MMP26: variants seen among roughly 807,000 people sequenced by gnomAD.
MMP26 encodes matrix metallopeptidase 26, also known as matrix metalloproteinase-26.
Under a neutral mutation model 31.0 loss-of-function variants are expected in MMP26, and 33 were observed. The observed-to-expected ratio is 1.06, with a 90% CI of 0.81 to 1.42. The LOEUF (loss-of-function observed/expected upper bound fraction) is 1.42, where lower values mean the gene tolerates loss of function less well. Among genes scored for constraint, MMP26 ranks in the 40% most tolerant of loss-of-function variants. MMP26 has a pLI of 0.00. For synonymous variants in MMP26, 122 were observed against 114.9 expected, an observed-to-expected ratio of 1.06 and a Z score of -0.40; for missense variants, 347 against 316.1, an observed-to-expected ratio of 1.10 and a Z score of -0.74.
intron 2 of MMP26, among the ~76,000 whole-genome samples, chr11:4,921,964 T>C (rs1001036312): frequency 6.6e-6 from 1 of 152,196 alleles, no homozygotes; most frequent in Non-Finnish European, 1.5e-5. Context: ...ATGTGTATTG[T>C]ACCCATTAGG....
At position 4,918,876 on chromosome 11, in the gene MMP26, C is replaced by T. The variant is rs141973172; in HGVS notation, c.-144-69192C>T. On this transcript the variant is annotated intron_variant, in intron 2 of 7. Transcript: ENST00000380390. ...CCCAAAGAGTCAGACTACTTCCTATCCATCTCCTTGTTTCTTGGAAATAAC... is the reference window on the plus strand; with the variant it reads ...CCCAAAGAGTCAGACTACTTCCTATTCATCTCCTTGTTTCTTGGAAATAAC... 2.0e-3 allele frequency among the ~76,000 whole-genome samples: 308 copies of T among 152,312 alleles called. 5 individuals are homozygous for T. The highest frequency in any genetic ancestry group is 0.016 in the Admixed American group (245 of 15,298).
chr11:4,825,880 G>A (rs1000621578), intron 2 of MMP26, among the ~76,000 whole-genome samples: 4 of 152,092 alleles, frequency 2.6e-5, no homozygotes, highest in African/African-American at 4.8e-5. Context: ...TTGATGCTGC[G>A]TTAATCAGGG....
At chr11:4,727,354 A>G (rs1215436199) in intron 1 of MMP26, among the ~76,000 whole-genome samples, 2 of 152,206 alleles carry the variant, frequency 1.3e-5, no homozygotes. Context: ...TGGTCTGTTT[A>G]ATAGCATTTG....
At chr11:4,925,401 T>C (rs764377409) in intron 2 of MMP26, among the ~76,000 whole-genome samples, 1 of 152,210 alleles carries the variant, frequency 6.6e-6, no homozygotes, top group Non-Finnish European at 1.5e-5. Context: ...ATTTCCATTA[T>C]ATGAATACCA....
chr11:4,831,482 C>T (rs1392403474), intron 2 of MMP26, among the ~76,000 whole-genome samples: 2 of 152,194 alleles, frequency 1.3e-5, no homozygotes, highest in African/African-American at 2.4e-5. Flanking sequence ...TTTTCAGGCA[C>T]ATATCATCCC....
chr11:4,887,781 A>C (rs1488469711), intron 2 of MMP26, among the ~76,000 whole-genome samples: 1 of 152,156 alleles, frequency 6.6e-6, no homozygotes, highest in Non-Finnish European at 1.5e-5. Context: ...GAGACATGCC[A>C]ATAAATTTCA....
chr11:4,950,381 C>T (rs1345659565), intron 2 of MMP26, among the ~76,000 whole-genome samples: 1 of 120,606 alleles, frequency 8.3e-6, no homozygotes, highest in East Asian at 2.3e-4. Flanking sequence ...TTTGCTACAA[C>T]ATGGATGGAA....
intron 2 of MMP26, among the ~76,000 whole-genome samples, chr11:4,986,599 C>T (rs1260747211): frequency 7.2e-6 from 1 of 138,028 alleles, no homozygotes; most frequent in African/African-American, 2.7e-5. Context: ...GGCATGATCT[C>T]GGCTCACTGC....
intron 2 of MMP26, among the ~76,000 whole-genome samples, chr11:4,888,760 G>A (rs1175913141): frequency 3.3e-5 from 5 of 152,154 alleles, no homozygotes; most frequent in Non-Finnish European, 7.4e-5. Flanking sequence ...TGTTAAGGAA[G>A]GTGCAAAGGG....
At chr11:4,877,984 T>A (rs941932717) in intron 2 of MMP26, 1 of 152,178 alleles carries the variant, frequency 6.6e-6, no homozygotes, top group Non-Finnish European at 1.5e-5. Context: ...CAGAACAATT[T>A]TATCACTTCC....
chr11:4,776,972 T>C (rs542968966), intron 2 of MMP26, among the ~76,000 whole-genome samples: 119 of 152,304 alleles, frequency 7.8e-4, no homozygotes, highest in African/African-American at 2.7e-3. Flanking sequence ...ATGTATACTA[T>C]GCTTACCACA....
At chr11:4,809,624 CA>C (rs1849323632) in intron 2 of MMP26, among the ~76,000 whole-genome samples, 1 of 152,146 alleles carries the variant, frequency 6.6e-6, no homozygotes, top group South Asian at 2.1e-4. Flanking sequence ...AGGCATAGAG[CA>C]ATAATGCTGG....
At chr11:4,789,761 C>A (rs1435260438) in intron 2 of MMP26, among the ~76,000 whole-genome samples, 1 of 151,022 alleles carries the variant, frequency 6.6e-6, no homozygotes, top group East Asian at 2.0e-4. Flanking sequence ...AGGATGGTGT[C>A]GATCTCCTGA....
rs368420044 is a variant in MMP26 at position 4,921,670 on chromosome 11, A to G, written c.-144-66398A>G. Among the ~76,000 whole-genome samples the G allele has an allele frequency of 6.6e-5, 10 of 152,226 alleles. No homozygotes were observed. The East Asian group carries it at 1.7e-3, about 26-fold the overall frequency. ...TATATTTGTATGAATCTACATATTTAAAATACTCGAGCCATTGTGTACCTT... is the reference window on the plus strand; with the variant it reads ...TATATTTGTATGAATCTACATATTTGAAATACTCGAGCCATTGTGTACCTT... On this transcript the variant is annotated intron_variant, in intron 2 of 7. Transcript: ENST00000380390.
chr11:4,849,016 G>A lies in MMP26; in HGVS notation c.-145+81675G>A, dbSNP rs369275172. ...AAGAAGAGGAAGAAGTGCATTGGGCGGTGCAGGGCGGGCTGCAGGGCAATG... is the reference window on the plus strand; with the variant it reads ...AAGAAGAGGAAGAAGTGCATTGGGCAGTGCAGGGCGGGCTGCAGGGCAATG... On this transcript the variant is annotated intron_variant, in intron 2 of 7. Coordinates refer to ENST00000380390, the MANE Select transcript of MMP26 (RefSeq NM_021801.5). 121 of 1,613,944 alleles carry A rather than the reference G, an allele frequency of 7.5e-5. No homozygotes were observed. Among genetic ancestry groups the A allele is most frequent in the Non-Finnish European group, 8.8e-5 (104 of 1,179,990 alleles).
intron 4 of MMP26, 55 bp downstream of exon 4, chr11:4,989,923 T>G: frequency 7.0e-7 from 1 of 1,433,996 alleles, no homozygotes; most frequent in Non-Finnish European, 9.6e-7. Context: ...CTCAAAGGGC[T>G]TTCTACCAGG....
At chr11:4,947,284 A>T (rs1179630485) in intron 2 of MMP26, 2 of 464,450 alleles carry the variant, frequency 4.3e-6, no homozygotes, top group South Asian at 5.6e-5. Flanking sequence ...GCTGCTTTGG[A>T]CTATAATCTG....
intron 2 of MMP26, chr11:4,938,358 C>T (rs1846158380): frequency 6.6e-6 from 1 of 151,078 alleles, no homozygotes; most frequent in Non-Finnish European, 1.5e-5. Flanking sequence ...CTTAAGTGAA[C>T]TTATGGTAGA....
chr11:4,801,034 A>G (rs976379403), intron 2 of MMP26, among the ~76,000 whole-genome samples: 1 of 152,166 alleles, frequency 6.6e-6, no homozygotes, highest in African/African-American at 2.4e-5. Flanking sequence ...CTTCAAGTTC[A>G]TGTGGACTTA....
Sources: allele counts gnomAD v4.1 joint callset (sites outside exome capture counted in the v4.1 genomes callset), GRCh38; gene constraint gnomAD v4.1.1; transcripts MANE v1.5; gene names NCBI Gene and HGNC (gene_info 2026-07-23, HGNC 2026-07-21).